Variants in CCDC150 observed in about 807,000 individuals in gnomAD.
CCDC150 encodes the protein coiled-coil domain-containing protein 150.
A neutral mutation model predicts 156.5 loss-of-function variants in CCDC150; 151 were observed. The observed-to-expected ratio is 0.97, with a 90% confidence interval of 0.85 to 1.10. CCDC150 has a LOEUF of 1.10. CCDC150 is among the 50% of genes least tolerant of loss of function. The pLI, the probability that CCDC150 is intolerant of heterozygous loss-of-function variation, is 0.00. For synonymous variants in CCDC150, 452 were observed against 429.4 expected (o/e 1.05, Z -0.65); for missense variants, 1,312 against 1,268.1 (o/e 1.03, Z -0.53).
intron 13 of CCDC150, among the ~76,000 whole-genome samples, chr2:196,681,045 T>C (rs1368476725): frequency 6.6e-6 from 1 of 152,228 alleles, no homozygotes; most frequent in East Asian, 1.9e-4. Context: ...CCACTGCCTC[T>C]GTCTAGATTC....
chr2:196,706,502 A>C (rs1045127475), intron 15 of CCDC150, among the ~76,000 whole-genome samples: 3 of 152,118 alleles, frequency 2.0e-5, no homozygotes, highest in Admixed American at 1.3e-4. Context: ...AATACCCTTT[A>C]TTTCTTTCTC....
In CCDC150 at chr2:196,718,545, A is replaced by C. The variant is rs1453724099; in HGVS notation, c.1909A>C (p.Thr637Pro). The C allele has an allele frequency of 1.2e-6, 2 of 1,613,552 alleles. No homozygotes were observed. Among genetic ancestry groups the C allele is most frequent in the East Asian group, 4.5e-5 (2 of 44,888 alleles). The change falls in exon 18 of 28, where the codon ACA (threonine) becomes CCA (proline). Residue 637 changes from threonine (T) to proline (P), a missense_variant. By Grantham distance (38) the Thr-to-Pro change is conservative. Transcript: ENST00000389175. ...AAGAAGTAAAGAGGAGCTGTCCCGA[A>C]CAGTGAAGTGTCGTAATGCGGCCCT... ...LERSKEELSR[T>P]VKCRNAALKE...
At position 196,646,339 on chromosome 2, in the gene CCDC150, A is replaced by G; in HGVS notation, c.13-2A>G. 1.2e-6 allele frequency: 2 copies of G among 1,613,230 alleles called. No homozygotes were observed. Among genetic ancestry groups the G allele is most frequent in the South Asian group, 1.1e-5 (1 of 91,036 alleles). Reference sequence around the variant, plus strand: ...ACACTAAGATTGTGACTGTATTCTTAGGTACATATGGAAACTACAGTGTCC... The same window carrying G: ...ACACTAAGATTGTGACTGTATTCTTGGGTACATATGGAAACTACAGTGTCC... On this transcript the variant is annotated splice_acceptor_variant, in intron 1 of 27. Coordinates refer to ENST00000389175, the MANE Select transcript of CCDC150 (RefSeq NM_001080539.2). LOFTEE classifies it high-confidence loss of function.
rs370125359 is a variant in CCDC150, at chr2:196,655,118, G to A, written c.177-1515G>A. 2.6e-4 allele frequency among the ~76,000 whole-genome samples: 39 copies of A among 152,274 alleles called. No individual in the cohort carries two copies. In the East Asian group the frequency reaches 6.0e-3, roughly 23 times the overall value. The stretch of plus-strand genomic sequence containing the variant: ...AGAGCAGGTATTTATCCCTTACTGC[G>A]CTAAAGCAGGCATTATTTATCTGCA... On this transcript the variant is annotated intron_variant, in intron 2 of 27. Transcript: ENST00000389175.
At chr2:196,656,081 G>A (rs1693170622) in intron 2 of CCDC150, among the ~76,000 whole-genome samples, 1 of 152,148 alleles carries the variant, frequency 6.6e-6, no homozygotes, top group Non-Finnish European at 1.5e-5. Context: ...CCTGGGGTAT[G>A]AAGCCTCTGT....
intron 13 of CCDC150, among the ~76,000 whole-genome samples, chr2:196,693,296 C>T (rs907702464): frequency 6.6e-6 from 1 of 152,126 alleles, no homozygotes; most frequent in African/African-American, 2.4e-5. Context: ...GGTAAATGAA[C>T]ATGATTATCT....
intron 11 of CCDC150, 37 bp downstream of exon 11, chr2:196,676,304 G>T (rs939891200): frequency 2.5e-6 from 4 of 1,605,528 alleles, no homozygotes; most frequent in Non-Finnish European, 3.4e-6. Context: ...TACATCTTTT[G>T]TTCTTGCATG....
chr2:196,704,791 A>G (rs982146219), intron 15 of CCDC150, among the ~76,000 whole-genome samples: 1 of 152,154 alleles, frequency 6.6e-6, no homozygotes, highest in Non-Finnish European at 1.5e-5. Flanking sequence ...ATGAGTGAGA[A>G]CATGGGGTGT....
intron 15 of CCDC150, among the ~76,000 whole-genome samples, chr2:196,703,509 T>C (rs1326762962): frequency 6.6e-6 from 1 of 152,204 alleles, no homozygotes; most frequent in Non-Finnish European, 1.5e-5. Flanking sequence ...TAAGCACACC[T>C]CTCTTATCTA....
intron 2 of CCDC150, among the ~76,000 whole-genome samples, chr2:196,648,736 C>T (rs1029669578): frequency 6.6e-6 from 1 of 152,070 alleles, no homozygotes. Flanking sequence ...GAGGTTTTCC[C>T]TCGTGTTTTC....
chr2:196,663,476 T>A (rs1006134413), intron 5 of CCDC150, among the ~76,000 whole-genome samples: 1 of 66,162 alleles, frequency 1.5e-5, no homozygotes, highest in African/African-American at 5.3e-5. Context: ...TTTATTCAAA[T>A]ACTATTGATA....
chr2:196,676,793 T>C, intron 12 of CCDC150, 62 bp downstream of exon 12: 1 of 1,389,950 alleles, frequency 7.2e-7, no homozygotes, highest in South Asian at 1.3e-5. Flanking sequence ...TAAAATTGCA[T>C]TCTAAATGCA....
intron 13 of CCDC150, among the ~76,000 whole-genome samples, chr2:196,694,208 C>G (rs1283568787): frequency 6.6e-6 from 1 of 152,092 alleles, no homozygotes; most frequent in Non-Finnish European, 1.5e-5. Flanking sequence ...AGGCATGTGC[C>G]ACCACGCCTG....
chr2:196,701,825 C>T (rs984365251), intron 15 of CCDC150, among the ~76,000 whole-genome samples: 15 of 152,172 alleles, frequency 9.9e-5, no homozygotes, highest in Non-Finnish European at 1.5e-4. Flanking sequence ...TGGATAGATA[C>T]GTGATAAGCA....
chr2:196,681,894 C>A (rs1168607597), intron 13 of CCDC150, among the ~76,000 whole-genome samples: 1 of 152,062 alleles, frequency 6.6e-6, no homozygotes, highest in African/African-American at 2.4e-5. Context: ...CAGGTATTTT[C>A]TCCCATTCTG....
intron 27 of CCDC150, 59 bp from the exon 28 acceptor site, chr2:196,732,387 T>A: frequency 7.7e-7 from 1 of 1,291,944 alleles, no homozygotes; most frequent in Non-Finnish European, 1.1e-6. Flanking sequence ...GCAAAACAGG[T>A]GCAGATTGCT....
At chr2:196,664,385 T>A (rs1693723246) in intron 5 of CCDC150, among the ~76,000 whole-genome samples, 1 of 152,196 alleles carries the variant, frequency 6.6e-6, no homozygotes, top group South Asian at 2.1e-4. Context: ...CTGGAACAGC[T>A]CAGAGAATTC....
chr2:196,668,629 T>C (rs1694004966), intron 7 of CCDC150, among the ~76,000 whole-genome samples: 1 of 152,192 alleles, frequency 6.6e-6, no homozygotes, highest in Non-Finnish European at 1.5e-5. Context: ...TACAAGTAGT[T>C]GTTTGAGCTA....
chr2:196,663,649 A>C (rs1336809345), intron 5 of CCDC150, among the ~76,000 whole-genome samples: 1 of 152,186 alleles, frequency 6.6e-6, no homozygotes, highest in African/African-American at 2.4e-5. Context: ...CCCTCATGTC[A>C]AAGATCAAGG....
Sources: gnomAD v4.1 joint callset for allele counts (sites outside exome capture counted in the v4.1 genomes callset) on GRCh38, gnomAD v4.1.1 for gene constraint, MANE v1.5 for transcripts, NCBI Gene and HGNC (gene_info 2026-07-23, HGNC 2026-07-21) for gene names.